Variants in ATP10B observed in about 807,000 individuals in gnomAD.
ATP10B encodes phospholipid-transporting ATPase VB.
ATP10B carries 122 observed loss-of-function variants against 141.2 expected under a neutral mutation model. The observed-to-expected ratio is 0.86, with a 90% CI of 0.75 to 1.00. ATP10B has a LOEUF of 1.00. ATP10B is among the 50% of genes least tolerant of loss of function. The pLI is 0.00. For synonymous variants in ATP10B, 685 were observed against 692.0 expected (o/e 0.99, Z 0.16); for missense variants, 1,876 against 1,825.3 (o/e 1.03, Z -0.51).
the ATP10B span, among the ~76,000 whole-genome samples, chr5:160,897,608 T>C: frequency 6.6e-6 from 1 of 152,210 alleles, no homozygotes; most frequent in Non-Finnish European, 1.5e-5. Flanking sequence ...CAAATGGCCA[T>C]ACTGCCCAAA....
At chr5:160,823,023 T>TATATAC (rs1363518112) in intron 1 of ATP10B, among the ~76,000 whole-genome samples, 1 of 124,928 alleles carries the variant, frequency 8.0e-6, no homozygotes, top group Admixed American at 8.0e-5. Context: ...TATATATATA[T>TATATAC]ATATATATAT....
chr5:160,707,038 C>T (rs1376447950), intron 3 of ATP10B, among the ~76,000 whole-genome samples: 3 of 152,022 alleles, frequency 2.0e-5, no homozygotes, highest in South Asian at 2.1e-4. Context: ...GCAATCTCCG[C>T]CCCCCAGGTT....
rs180743706 is a variant in ATP10B at position 160,840,428 on chromosome 5, A to G, written c.-576+11513T>C. Among the ~76,000 whole-genome samples, 7 of 152,206 alleles carry G rather than the reference A, an allele frequency of 4.6e-5. No homozygotes were observed. The East Asian group carries it at 1.3e-3, about 29-fold the overall frequency. On this transcript the variant is annotated intron_variant, in intron 1 of 25. Transcript: ENST00000327245. ...GAAATCTATAGAAATCTAGTATATT[A>G]AAAAGGTTGTATCTCAAATCACTAA... is the stretch of plus-strand genomic sequence containing the variant.
At position 160,606,848 on chromosome 5, in the gene ATP10B, A is replaced by AGGAC. The variant is rs760708362; in HGVS notation, c.3073_3076dup (p.Leu1026ArgfsTer31). Reference sequence around the variant, plus strand: ...CTGGAGTGGCGTGGAGCGGCAGCACAGGACGGACCGACAATACTGGGTCAA... The same window carrying AGGAC: ...CTGGAGTGGCGTGGAGCGGCAGCACAGGACGGACGGACCGACAATACTGGGTCAA... On this transcript the variant is annotated frameshift_variant, in exon 19 of 26. Coordinates refer to ENST00000327245, the MANE Select transcript of ATP10B (RefSeq NM_025153.3). LOFTEE classifies it high-confidence loss of function. 20 of 1,614,050 alleles carry AGGAC rather than the reference A, an allele frequency of 1.2e-5. No homozygotes were observed. Among genetic ancestry groups the AGGAC allele is most frequent in the Non-Finnish European group, 1.6e-5 (19 of 1,180,004 alleles).
Position 160,565,518 on chromosome 5 carries a change from T to C in ATP10B, c.4321A>G (p.Thr1441Ala), listed in dbSNP as rs763048825. The C allele has an allele frequency of 3.5e-5, 57 of 1,614,026 alleles. No homozygotes were observed. Among genetic ancestry groups the C allele is most frequent in the Non-Finnish European group, 4.7e-5 (55 of 1,179,988 alleles). Residue 1441 changes from threonine (T) to alanine (A), a missense_variant, in exon 26 of 26, where the codon ACT (threonine) becomes GCT (alanine). By Grantham distance (58) the Thr-to-Ala change is moderately conservative. Transcript: ENST00000327245. ...NRIMAYSRGQ[T>A]DMCRCSKRSS... is the part of the protein sequence containing the mutation. ...CTCTTTGAGCACCGGCACATATCAGTCTGTCCTCTTGAGTAGGCCATTATC... is the reference window on the plus strand; with the variant it reads ...CTCTTTGAGCACCGGCACATATCAGCCTGTCCTCTTGAGTAGGCCATTATC...
intron 1 of ATP10B, among the ~76,000 whole-genome samples, chr5:160,830,901 C>T (rs1342552149): frequency 9.2e-5 from 14 of 151,636 alleles, no homozygotes; most frequent in African/African-American, 3.4e-4. Flanking sequence ...TAATTTTATT[C>T]TCATTCTCTC....
At chr5:160,886,792 G>A in the ATP10B span, among the ~76,000 whole-genome samples, 1 of 152,108 alleles carries the variant, frequency 6.6e-6, no homozygotes, top group Admixed American at 6.5e-5. Context: ...TTCATTCCAG[G>A]CAACAAGAAC....
chr5:160,896,542 GC>G, the ATP10B span, among the ~76,000 whole-genome samples: 1 of 152,138 alleles, frequency 6.6e-6, no homozygotes, highest in Non-Finnish European at 1.5e-5. Context: ...TGAAATTGAG[GC>G]AGTAATTATT....
chr5:160,578,044 G>GA (rs916226254), intron 24 of ATP10B, among the ~76,000 whole-genome samples: 6 of 151,964 alleles, frequency 3.9e-5, no homozygotes, highest in Non-Finnish European at 8.8e-5. Flanking sequence ...TTTGCTGGAT[G>GA]AAAAAAATCC....
Position 160,657,373 on chromosome 5 carries a change from T to G in ATP10B, c.676-8117A>C, listed in dbSNP as rs568031560. ...CTGCTTCCTGGTAGGTGAAGGTTCT[T>G]TTCAAGATAACCCACAACAGAGTGA... On this transcript the variant is annotated intron_variant, in intron 7 of 25. Transcript: ENST00000327245. Among the ~76,000 whole-genome samples the G allele has an allele frequency of 2.6e-5, 4 of 152,268 alleles. No individual in the cohort carries two copies. The South Asian group carries it at 8.3e-4, about 32-fold the overall frequency.
At chr5:160,726,937 C>G (rs1766408349) in intron 2 of ATP10B, among the ~76,000 whole-genome samples, 1 of 150,830 alleles carries the variant, frequency 6.6e-6, no homozygotes, top group Non-Finnish European at 1.5e-5. Context: ...CTGGAAGCCC[C>G]CGGGGGTGGG....
At chr5:160,816,080 C>G (rs915499880) in intron 1 of ATP10B, among the ~76,000 whole-genome samples, 1 of 151,590 alleles carries the variant, frequency 6.6e-6, no homozygotes, top group African/African-American at 2.4e-5. Flanking sequence ...AAAATTGACA[C>G]CCTAACATCA....
At chr5:160,826,772 A>G (rs573613044) in intron 1 of ATP10B, among the ~76,000 whole-genome samples, 6 of 152,338 alleles carry the variant, frequency 3.9e-5, no homozygotes, top group Admixed American at 2.0e-4. Flanking sequence ...GGAAGTCTAT[A>G]AACGGCCGCT....
chr5:160,644,976 G>A (rs2127681297), intron 8 of ATP10B, among the ~76,000 whole-genome samples: 1 of 152,098 alleles, frequency 6.6e-6, no homozygotes, highest in East Asian at 1.9e-4. Flanking sequence ...AATTAGTCAG[G>A]CATGGTGGCA....
intron 7 of ATP10B, among the ~76,000 whole-genome samples, chr5:160,662,022 C>A (rs1761958177): frequency 6.6e-6 from 1 of 152,118 alleles, no homozygotes; most frequent in South Asian, 2.1e-4. Flanking sequence ...ACAGTCAAAT[C>A]ATGAGTGAAC....
intron 14 of ATP10B, 38 bp downstream of exon 14, chr5:160,622,356 T>G (rs533203328): frequency 1.3e-6 from 2 of 1,563,718 alleles, no homozygotes; most frequent in African/African-American, 2.7e-5. Context: ...CTCCTCTACC[T>G]CCTTTACCCT....
chr5:160,671,795 T>C (rs1762719299), intron 6 of ATP10B, among the ~76,000 whole-genome samples: 1 of 151,540 alleles, frequency 6.6e-6, no homozygotes, highest in Admixed American at 6.6e-5. Context: ...AGTGAGGTAA[T>C]TGGGGGTCAA....
the ATP10B span, among the ~76,000 whole-genome samples, chr5:160,889,093 G>C: frequency 6.6e-6 from 1 of 152,090 alleles, no homozygotes; most frequent in African/African-American, 2.4e-5. Context: ...CTAGATACAG[G>C]GAGAGACCAT....
chr5:160,693,151 TA>T (rs1272511664), intron 3 of ATP10B, among the ~76,000 whole-genome samples: 2 of 151,844 alleles, frequency 1.3e-5, no homozygotes, highest in Non-Finnish European at 2.9e-5. Flanking sequence ...AAACTAAAAA[TA>T]AAAACTAAAT....
Sources: gnomAD v4.1 joint callset for allele counts (sites outside exome capture counted in the v4.1 genomes callset) on GRCh38, gnomAD v4.1.1 for gene constraint, MANE v1.5 for transcripts, NCBI Gene and HGNC (gene_info 2026-07-23, HGNC 2026-07-21) for gene names.